Variants in ATRNL1 observed in about 807,000 individuals in gnomAD.
ATRNL1 encodes the protein attractin-like protein 1.
ATRNL1 carries 95 observed loss-of-function variants against 182.7 expected under a neutral mutation model. The observed-to-expected ratio is 0.52, with a 90% confidence interval of 0.44 to 0.62. The LOEUF (loss-of-function observed/expected upper bound fraction) is 0.62. Ranked by LOEUF, ATRNL1 falls within the 20% of genes least tolerant of loss-of-function variation. The pLI is 0.00. For synonymous variants in ATRNL1, 576 were observed against 568.3 expected (o/e 1.01, Z -0.19); for missense variants, 1,471 against 1,679.5 (o/e 0.88, Z 2.17).
chr10:115,393,539 G>T (rs1429557578), intron 19 of ATRNL1, among the ~76,000 whole-genome samples: 2 of 152,104 alleles, frequency 1.3e-5, no homozygotes, highest in East Asian at 3.9e-4. Flanking sequence ...AACTGGTAGT[G>T]TACAAGAACA....
intron 20 of ATRNL1, among the ~76,000 whole-genome samples, chr10:115,403,612 A>C (rs1352517738): frequency 6.6e-6 from 1 of 151,868 alleles, no homozygotes; most frequent in Non-Finnish European, 1.5e-5. Flanking sequence ...TCGCCACCGC[A>C]CCCGGCTAAT....
At chr10:115,206,789 A>C (rs1191297428) in intron 8 of ATRNL1, among the ~76,000 whole-genome samples, 1 of 152,100 alleles carries the variant, frequency 6.6e-6, no homozygotes, top group Non-Finnish European at 1.5e-5. Context: ...TGCACCCATC[A>C]ACTCGTCATT....
chr10:115,656,479 A>G (rs570988838), intron 26 of ATRNL1, among the ~76,000 whole-genome samples: 1 of 152,248 alleles, frequency 6.6e-6, no homozygotes, highest in Admixed American at 6.5e-5. Context: ...AAATGATCCC[A>G]ATCTGAGTAA....
chr10:115,702,074 G>A (rs1296172694), intron 26 of ATRNL1, among the ~76,000 whole-genome samples: 1 of 152,042 alleles, frequency 6.6e-6, no homozygotes, highest in East Asian at 1.9e-4. Context: ...AATTCACCAT[G>A]ATTGAGTAGC....
chr10:115,355,850 A>G (rs964516603), intron 19 of ATRNL1, among the ~76,000 whole-genome samples: 1 of 151,816 alleles, frequency 6.6e-6, no homozygotes, highest in Admixed American at 6.6e-5. Flanking sequence ...TAGGTTTTTG[A>G]ATAGTAGGCT....
At chr10:115,391,573 G>A (rs75140525) in intron 19 of ATRNL1, among the ~76,000 whole-genome samples, 1 of 151,980 alleles carries the variant, frequency 6.6e-6, no homozygotes, top group Admixed American at 6.6e-5. Context: ...GCTTGTGGGA[G>A]GGGTAATATG....
intron 27 of ATRNL1, among the ~76,000 whole-genome samples, chr10:115,837,569 A>G (rs927878314): frequency 6.6e-6 from 1 of 151,254 alleles, no homozygotes; most frequent in African/African-American, 2.4e-5. Context: ...ATCCATCCAT[A>G]AAATATTTTT....
chr10:115,303,241 T>TC (rs1853571097), intron 17 of ATRNL1, among the ~76,000 whole-genome samples: 1 of 150,000 alleles, frequency 6.7e-6, no homozygotes, highest in Non-Finnish European at 1.5e-5. Context: ...TTTTTTTTTT[T>TC]TGAGATGGAG....
In ATRNL1 at chr10:115,894,504, A is replaced by G. The variant is rs577586479; in HGVS notation, c.4018+46513A>G. On this transcript the variant is annotated intron_variant, in intron 28 of 28. Coordinates refer to ENST00000355044, the MANE Select transcript of ATRNL1 (RefSeq NM_207303.4). ...GATATTTACCAGACCTCTGAAAAAA[A>G]TTGCTGGAGTTATAAATGTGCTGGG... Among the ~76,000 whole-genome samples, 24 of 152,314 alleles carry G rather than the reference A, an allele frequency of 1.6e-4. 1 individual carries two copies. In the South Asian group the frequency reaches 5.0e-3, roughly 32 times the overall value.
At position 115,301,874 on chromosome 10, in the gene ATRNL1, G is replaced by A. The variant is rs149670730; in HGVS notation, c.2649G>A (p.Ala883=). 7 of 1,607,262 alleles carry A rather than the reference G, an allele frequency of 4.4e-6. No individual in the cohort carries two copies. The highest frequency in any genetic ancestry group is 1.7e-5 in the Admixed American group (1 of 58,552). The change falls in exon 17 of 29, where the codon GCG becomes GCA. Residue 883 remains alanine (A), a synonymous_variant. Transcript: ENST00000355044. ...EKPVVSPNQN[A]RPCKKPCSLR... ...TTCCAGTTAGTCCAAATCAAAATGC[G>A]AGGCCGTGCAAAAAGCCATGCTCTC... is the stretch of plus-strand genomic sequence containing the variant.
intron 26 of ATRNL1, among the ~76,000 whole-genome samples, chr10:115,630,542 C>G (rs2133828279): frequency 1.3e-5 from 2 of 151,548 alleles, no homozygotes; most frequent in South Asian, 4.2e-4. Context: ...ATAAGTCTCT[C>G]CAAGAGACAT....
At chr10:115,156,160 A>ACTTACCAAC (rs1177919403) in intron 5 of ATRNL1, among the ~76,000 whole-genome samples, 1 of 152,130 alleles carries the variant, frequency 6.6e-6, no homozygotes, top group Non-Finnish European at 1.5e-5. Context: ...AGGTACATCT[A>ACTTACCAAC]CTTACCAACA....
intron 26 of ATRNL1, among the ~76,000 whole-genome samples, chr10:115,633,060 T>C (rs889056692): frequency 6.6e-6 from 1 of 151,692 alleles, no homozygotes; most frequent in Non-Finnish European, 1.5e-5. Context: ...ACCCGGGTAA[T>C]TTTTGTATTT....
At position 115,321,718 on chromosome 10, in the gene ATRNL1, C is replaced by T. The variant is rs143354262; in HGVS notation, c.3037+5982C>T. 2.7e-4 allele frequency among the ~76,000 whole-genome samples: 40 copies of T among 150,564 alleles called. No individual in the cohort carries two copies. In the East Asian group the frequency reaches 6.3e-3, roughly 24 times the overall value. On this transcript the variant is annotated intron_variant, in intron 18 of 28. Transcript: ENST00000355044. ...AGAACTGGAACAACACAGAGATGCC[C>T]ACTTGCACCACTCTTGTTTAACATA...
At chr10:115,131,277 T>G (rs1554875097) in intron 5 of ATRNL1, among the ~76,000 whole-genome samples, 1 of 152,054 alleles carries the variant, frequency 6.6e-6, no homozygotes, top group African/African-American at 2.4e-5. Context: ...TACATATATA[T>G]TTTATATGGA....
Position 115,266,802 on chromosome 10 carries a change from T to A in ATRNL1, c.1778T>A (p.Met593Lys). 1 of 1,596,926 alleles carries A rather than the reference T, an allele frequency of 6.3e-7. No individual in the cohort carries two copies. The highest frequency in any genetic ancestry group is 8.6e-7 in the Non-Finnish European group (1 of 1,166,928). The change falls in exon 12 of 29, where the codon ATG (methionine) becomes AAG (lysine). Residue 593 changes from methionine to lysine, a missense_variant. By Grantham distance (95) the Met-to-Lys change is moderately conservative. Around this residue, in one of 3 missense-constraint regions of ATRNL1, gnomAD observed 1,031 missense variants for 1,156.0 expected, o/e 0.89. Coordinates refer to ENST00000355044, the MANE Select transcript of ATRNL1 (RefSeq NM_207303.4). The stretch of plus-strand genomic sequence containing the variant: ...TCTTGTTTTGTTTTTAATAGGTCCA[T>A]GTATATATTTGGGGGATTTTCTAGT... Reference protein sequence around the residue: ...GHSAVVINGSMYIFGGFSSVL... With the variant: ...GHSAVVINGSKYIFGGFSSVL...
At chr10:115,458,843 T>G (rs527523363) in intron 21 of ATRNL1, among the ~76,000 whole-genome samples, 1 of 152,276 alleles carries the variant, frequency 6.6e-6, no homozygotes, top group East Asian at 1.9e-4. Context: ...TCGTGATATT[T>G]TTTTCTTCAT....
intron 25 of ATRNL1, among the ~76,000 whole-genome samples, chr10:115,546,629 A>G (rs1554993807): frequency 6.6e-6 from 1 of 152,070 alleles, no homozygotes; most frequent in Non-Finnish European, 1.5e-5. Context: ...CCACTATGAT[A>G]ATAATTCAGA....
At chr10:115,591,222 A>G (rs1490207374) in intron 26 of ATRNL1, among the ~76,000 whole-genome samples, 1 of 152,232 alleles carries the variant, frequency 6.6e-6, no homozygotes, top group Admixed American at 6.5e-5. Flanking sequence ...CTCTTTACTC[A>G]CATAGTAACC....
Sources: allele counts gnomAD v4.1 joint callset (sites outside exome capture counted in the v4.1 genomes callset), GRCh38; gene constraint gnomAD v4.1.1; regional missense constraint gnomAD v4.1.1; transcripts MANE v1.5; gene names NCBI Gene and HGNC (gene_info 2026-07-23, HGNC 2026-07-21).